Variants in UBE2L3 observed in about 807,000 individuals in gnomAD.
UBE2L3 encodes the protein ubiquitin-conjugating enzyme E2 L3.
Under a neutral mutation model 17.8 loss-of-function variants are expected in UBE2L3, and 1 was observed. That is an observed-to-expected ratio of 0.06 (90% CI 0.02 to 0.27). UBE2L3 has a LOEUF of 0.27. Among genes scored for constraint, UBE2L3 ranks in the 10% least tolerant of loss-of-function variants. The probability of loss-of-function intolerance (pLI) is 1.00; values close to 1 mark genes in which losing one functional copy is unlikely to be tolerated. For missense variants in UBE2L3, 40 were observed against 192.6 expected (o/e 0.21, Z 4.69); for synonymous variants, 44 against 68.5 (o/e 0.64, Z 1.76).
intron 3 of UBE2L3, among the ~76,000 whole-genome samples, chr22:21,616,354 G>T (rs1176401551): frequency 2.0e-5 from 3 of 152,072 alleles, no homozygotes; most frequent in Admixed American, 2.0e-4. Flanking sequence ...CTTTTTGGGG[G>T]ATGAAAATGT....
chr22:21,559,073 A>C (rs1330727908), intron 1 of UBE2L3, among the ~76,000 whole-genome samples: 1 of 151,384 alleles, frequency 6.6e-6, no homozygotes, highest in African/African-American at 2.4e-5. Context: ...GAAGCTGGAC[A>C]TGGTGGCCCA....
chr22:21,588,272 A>G (rs534379370), intron 1 of UBE2L3, among the ~76,000 whole-genome samples: 1 of 151,898 alleles, frequency 6.6e-6, no homozygotes, highest in South Asian at 2.1e-4. Flanking sequence ...TTTGAATTCC[A>G]CTTCTTGGAA....
intron 1 of UBE2L3, among the ~76,000 whole-genome samples, chr22:21,561,877 T>C (rs5754100): frequency 0.19 from 28,085 of 151,550 alleles, 3,340 homozygotes; most frequent in East Asian, 0.39. Flanking sequence ...CCTAGCCCAG[T>C]GATGGGCCAC....
At chr22:21,605,126 G>T (rs188419860) in intron 2 of UBE2L3, among the ~76,000 whole-genome samples, 28 of 152,044 alleles carry the variant, frequency 1.8e-4, no homozygotes, top group African/African-American at 6.8e-4. Context: ...CCAGCAGCAC[G>T]CACAGCTAAT....
chr22:21,608,900 T>C (rs1223099171), intron 2 of UBE2L3, among the ~76,000 whole-genome samples: 1 of 151,280 alleles, frequency 6.6e-6, no homozygotes, highest in Non-Finnish European at 1.5e-5. Flanking sequence ...CAGTTTTGTT[T>C]TGTTTTTTTT....
intron 1 of UBE2L3, among the ~76,000 whole-genome samples, chr22:21,582,833 G>A (rs1927719913): frequency 6.6e-6 from 1 of 152,088 alleles, no homozygotes; most frequent in South Asian, 2.1e-4. Flanking sequence ...CCTCAATATG[G>A]TGATTCTTAA....
intron 3 of UBE2L3, among the ~76,000 whole-genome samples, chr22:21,615,333 A>G (rs912383315): frequency 7.9e-5 from 12 of 152,186 alleles, no homozygotes; most frequent in African/African-American, 2.9e-4. Flanking sequence ...AGGCGGGCAG[A>G]TCACAAGGTC....
At chr22:21,612,307 A>T (rs1226035930) in intron 3 of UBE2L3, among the ~76,000 whole-genome samples, 1 of 152,064 alleles carries the variant, frequency 6.6e-6, no homozygotes, top group African/African-American at 2.4e-5. Flanking sequence ...AGTTCTTCTC[A>T]GTGCCTGGTT....
At chr22:21,556,491 G>A (rs1352688521) in intron 1 of UBE2L3, among the ~76,000 whole-genome samples, 17 of 152,358 alleles carry the variant, frequency 1.1e-4, no homozygotes, top group East Asian at 3.9e-4. Flanking sequence ...GTGCAGTGGC[G>A]TGATCTCGGC....
chr22:21,574,240 G>C (rs1335024213), intron 1 of UBE2L3, among the ~76,000 whole-genome samples: 1 of 152,198 alleles, frequency 6.6e-6, no homozygotes, highest in African/African-American at 2.4e-5. Flanking sequence ...GAAGACTACA[G>C]CATAGCAGTT....
intron 3 of UBE2L3, 116 bp downstream of exon 3, chr22:21,611,159 AT>A (rs771852436): frequency 1.6e-4 from 199 of 1,236,998 alleles, no homozygotes; most frequent in Non-Finnish European, 2.1e-4. Context: ...TACACGAAAA[AT>A]GTAGCTGAGG....
intron 1 of UBE2L3, among the ~76,000 whole-genome samples, chr22:21,589,643 C>T (rs1319551052): frequency 3.9e-5 from 6 of 152,132 alleles, no homozygotes; most frequent in Non-Finnish European, 7.3e-5. Context: ...AGTGCAGAGT[C>T]GTATCTGGAT....
rs779798221 is a variant in UBE2L3 at position 21,567,717 on chromosome 22, C to G, written c.-28C>G. 1.9e-6 allele frequency: 3 copies of G among 1,575,634 alleles called. No homozygotes were observed. The African/African-American group carries it at 4.0e-5, about 21-fold the overall frequency. On this transcript the variant is annotated 5_prime_UTR_variant, in exon 1 of 4. Coordinates refer to ENST00000342192, the MANE Select transcript of UBE2L3 (RefSeq NM_003347.4). Reference sequence around the variant, plus strand: ...GCCGCCCGGCCGGCCGCGATGCATTCTGGGGAAGGAGCAGCACCAAATCCA... The same window carrying G: ...GCCGCCCGGCCGGCCGCGATGCATTGTGGGGAAGGAGCAGCACCAAATCCA...
intron 1 of UBE2L3, among the ~76,000 whole-genome samples, chr22:21,580,852 C>T (rs547644089): frequency 2.0e-5 from 3 of 148,894 alleles, no homozygotes; most frequent in Non-Finnish European, 4.5e-5. Flanking sequence ...CCCAAAGTGC[C>T]GGGATTACAG....
chr22:21,592,790 G>C, intron 1 of UBE2L3, 71 bp from the exon 2 acceptor site: 1 of 1,201,940 alleles, frequency 8.3e-7, no homozygotes, highest in Non-Finnish European at 1.2e-6. Flanking sequence ...TAATTTGAGG[G>C]CATCAGGAGG....
chr22:21,565,939 C>A (rs999921945), upstream of UBE2L3, among the ~76,000 whole-genome samples: 4 of 150,942 alleles, frequency 2.7e-5, no homozygotes, highest in African/African-American at 9.7e-5. Context: ...CTCTTACCCA[C>A]CTCCATTCCC....
chr22:21,593,386 T>C (rs1928361937), intron 2 of UBE2L3, among the ~76,000 whole-genome samples: 1 of 152,186 alleles, frequency 6.6e-6, no homozygotes, highest in Non-Finnish European at 1.5e-5. Context: ...TCGGGCTTTA[T>C]TCCTGGTCCC....
rs1046113302 is a variant in UBE2L3, at chr22:21,622,998, G to C, written c.*1329G>C. On this transcript the variant is annotated 3_prime_UTR_variant, in exon 4 of 4. Transcript: ENST00000342192. ...TTTCAAGGCAAATGGGATTGTCCCC[G>C]CACTAGTAGAGAATCCATGTCGCTC... is the stretch of plus-strand genomic sequence containing the variant. 6.6e-6 allele frequency: 1 copy of C among 152,250 alleles called. No homozygotes were observed. Among genetic ancestry groups the C allele is most frequent in the Non-Finnish European group, 1.5e-5 (1 of 68,022 alleles). 9.4% of individuals were successfully genotyped at this position (152,250 alleles called of 1,614,324 possible). A position where few individuals can be genotyped will look rare whatever the true frequency, so the allele number is the denominator to read the frequency against.
chr22:21,558,433 C>A, intron 1 of UBE2L3, among the ~76,000 whole-genome samples: 3 of 152,232 alleles, frequency 2.0e-5, no homozygotes, highest in Non-Finnish European at 4.4e-5. Flanking sequence ...GAGATCGAGA[C>A]CATCCTGGCT....
Sources: gnomAD v4.1 joint callset for allele counts (sites outside exome capture counted in the v4.1 genomes callset) on GRCh38, gnomAD v4.1.1 for gene constraint, MANE v1.5 for transcripts, NCBI Gene and HGNC (gene_info 2026-07-23, HGNC 2026-07-21) for gene names.